NLRC5: variants seen among roughly 807,000 people sequenced by gnomAD.
NLRC5 encodes protein NLRC5.
NLRC5 carries 114 observed loss-of-function variants against 206.9 expected under a neutral mutation model. That is an observed-to-expected ratio of 0.55 (90% confidence interval 0.47 to 0.64). NLRC5 has a LOEUF of 0.64. Ranked by LOEUF, NLRC5 falls within the 30% of genes least tolerant of loss-of-function variation. The pLI is 0.00. For missense variants in NLRC5, 2,008 were observed against 2,305.5 expected (o/e 0.87, Z 2.64); for synonymous variants, 952 against 962.8 (o/e 0.99, Z 0.21).
chr16:57,065,821 T>C (rs2067018678), intron 33 of NLRC5, among the ~76,000 whole-genome samples: 1 of 152,200 alleles, frequency 6.6e-6, no homozygotes, highest in Admixed American at 6.5e-5. Context: ...CTGGAGCCTG[T>C]AAAGATGTCT....
chr16:57,015,581 G>A (rs1360966501), intron 1 of NLRC5, among the ~76,000 whole-genome samples: 1 of 145,610 alleles, frequency 6.9e-6, no homozygotes, highest in Non-Finnish European at 1.5e-5. Flanking sequence ...GAAAGACCCT[G>A]TCTCTTAAAA....
At position 57,030,238 on chromosome 16, in the gene NLRC5, G is replaced by A. The variant is rs571049049; in HGVS notation, c.2417+154G>A. On this transcript the variant is annotated intron_variant, in intron 10 of 48. Coordinates refer to ENST00000688547, the MANE Select transcript of NLRC5 (RefSeq NM_001384950.1). ...GCTTTACCTTCAGAACCTAGCTCAG[G>A]CTTGGCACCTGGTACTTGGTATATA... is the stretch of plus-strand genomic sequence containing the variant. Among the ~76,000 whole-genome samples, 8 of 152,304 alleles carry A rather than the reference G, an allele frequency of 5.3e-5. No individual in the cohort carries two copies. The East Asian group carries it at 1.5e-3, about 29-fold the overall frequency.
At chr16:57,060,512 TAC>T (rs1160718682) in intron 30 of NLRC5, among the ~76,000 whole-genome samples, 1 of 149,564 alleles carries the variant, frequency 6.7e-6, no homozygotes, top group East Asian at 2.0e-4. Context: ...ACATACCACA[TAC>T]ACACACATAC....
chr16:57,057,699 T>C (rs947422315), intron 27 of NLRC5, among the ~76,000 whole-genome samples: 1 of 152,148 alleles, frequency 6.6e-6, no homozygotes, highest in Non-Finnish European at 1.5e-5. Context: ...GGTCACCCGA[T>C]ATGGAAGAGG....
chr16:57,009,572 G>A (rs1375104999), intron 1 of NLRC5, among the ~76,000 whole-genome samples: 2 of 151,782 alleles, frequency 1.3e-5, no homozygotes, highest in Non-Finnish European at 2.9e-5. Flanking sequence ...CAGCCTGGGC[G>A]ACAGAGTGAG....
At chr16:57,058,570 G>C in intron 28 of NLRC5, 1 of 318,796 alleles carries the variant, frequency 3.1e-6, no homozygotes, top group Non-Finnish European at 5.9e-6. Flanking sequence ...GGGGCCTTAG[G>C]AAGTCATCCA....
At chr16:57,024,805 T>G (rs565009130) in intron 5 of NLRC5, among the ~76,000 whole-genome samples, 1 of 152,312 alleles carries the variant, frequency 6.6e-6, no homozygotes, top group East Asian at 1.9e-4. Context: ...AGCCCAGGAA[T>G]TCAATACTAG....
chr16:57,005,584 C>T (rs1391968580), intron 1 of NLRC5, among the ~76,000 whole-genome samples: 9 of 151,774 alleles, frequency 5.9e-5, no homozygotes, highest in African/African-American at 2.2e-4. Context: ...ATATATTCAA[C>T]TTTTAAAACT....
At chr16:57,043,689 G>A in intron 20 of NLRC5, 85 bp downstream of exon 20, 4 of 1,046,366 alleles carry the variant, frequency 3.8e-6, no homozygotes, top group Non-Finnish European at 6.0e-6. Context: ...TTGTCCACCA[G>A]TTTCATGCCA....
chr16:57,012,775 C>A (rs56273021), intron 1 of NLRC5, among the ~76,000 whole-genome samples: 1 of 151,958 alleles, frequency 6.6e-6, no homozygotes, highest in African/African-American at 2.4e-5. Flanking sequence ...TAAGGAACTG[C>A]CAAAACTGCC....
At chr16:57,063,279 AT>A (rs1284509836) in intron 32 of NLRC5, among the ~76,000 whole-genome samples, 3 of 148,976 alleles carry the variant, frequency 2.0e-5, no homozygotes, top group East Asian at 2.0e-4. Flanking sequence ...CACCCAGCTA[AT>A]TTTTTTTTGT....
At chr16:57,070,486 A>T (rs765509910) in intron 37 of NLRC5, 49 bp from the exon 38 acceptor site, 8 of 1,534,766 alleles carry the variant, frequency 5.2e-6, no homozygotes, top group Non-Finnish European at 7.2e-6. Flanking sequence ...GCTCAGCTCC[A>T]GGGCTGGGCA....
intron 44 of NLRC5, 33 bp from the exon 45 acceptor site, chr16:57,079,188 G>T (rs1484246979): frequency 3.7e-6 from 6 of 1,613,828 alleles, no homozygotes; most frequent in Non-Finnish European, 5.1e-6. Flanking sequence ...GGGTCTGGGG[G>T]TTCCTCTCAC....
intron 23 of NLRC5, among the ~76,000 whole-genome samples, chr16:57,049,394 C>T (rs78216030): frequency 0.031 from 4,759 of 152,176 alleles, 274 homozygotes; most frequent in African/African-American, 0.11. Context: ...GACTGGGATG[C>T]GGGCTCTGCT....
At chr16:57,054,627 C>A in intron 24 of NLRC5, 124 bp from the exon 25 acceptor site, 1 of 774,736 alleles carries the variant, frequency 1.3e-6, no homozygotes, top group South Asian at 1.4e-5. Context: ...CTCTTGATCC[C>A]CTGCCTGCTT....
At chr16:57,045,153 G>A (rs965817302) in intron 20 of NLRC5, 3 of 370,566 alleles carry the variant, frequency 8.1e-6, no homozygotes, top group African/African-American at 6.3e-5. Context: ...GCTGCAGTGA[G>A]CCATGACTGC....
At chr16:57,018,814 A>G (rs2142877196) in intron 2 of NLRC5, among the ~76,000 whole-genome samples, 1 of 152,338 alleles carries the variant, frequency 6.6e-6, no homozygotes, top group Middle Eastern at 3.4e-3. Context: ...AGTACCAGAA[A>G]GTACATCCGG....
rs2064912753 is a variant in NLRC5, at chr16:57,051,619, G to A, written c.3504G>A (p.Leu1168=). The part of the protein sequence containing the change: ...CLPQLPQLSL[L]QLSQTGLSPK... ...CTCAACTCCCTCAGCTGAGCCTGCT[G>A]CAGTAAGACGAGAGTTTTTCCTATT... Residue 1168 remains leucine (L), a splice_region_variant and synonymous_variant, in exon 24 of 49, where the codon CTG becomes CTA. Transcript: ENST00000688547. The A allele has an allele frequency of 6.2e-7, 1 of 1,612,642 alleles. No individual in the cohort carries two copies. Among genetic ancestry groups the A allele is most frequent in the South Asian group, 1.1e-5 (1 of 91,062 alleles).
At position 57,046,654 on chromosome 16, in the gene NLRC5, C is replaced by A; in HGVS notation, c.3338+13C>A. 1.9e-6 allele frequency: 3 copies of A among 1,610,196 alleles called. No homozygotes were observed. The highest frequency in any genetic ancestry group is 2.5e-6 in the Non-Finnish European group (3 of 1,176,966). ...CCAGGAGCCTCTGGTACTGTCCCAG[C>A]CCTTCTTGTTTGGGGGTAACCATAA... On this transcript the variant is annotated intron_variant, in intron 22 of 48. Coordinates refer to ENST00000688547, the MANE Select transcript of NLRC5 (RefSeq NM_001384950.1).
Sources: gnomAD v4.1 joint callset for allele counts (sites outside exome capture counted in the v4.1 genomes callset) on GRCh38, gnomAD v4.1.1 for gene constraint, MANE v1.5 for transcripts, NCBI Gene and HGNC (gene_info 2026-07-23, HGNC 2026-07-21) for gene names.